ANKFN1: variants seen among roughly 807,000 people sequenced by gnomAD.
The protein encoded by ANKFN1 is ankyrin repeat and fibronectin type-III domain-containing protein 1.
ANKFN1 carries 74 observed loss-of-function variants against 108.7 expected under a neutral mutation model. The observed-to-expected ratio is 0.68, with a 90% CI of 0.56 to 0.83. The LOEUF (loss-of-function observed/expected upper bound fraction) is 0.83. Ranked by LOEUF, ANKFN1 falls within the 40% of genes least tolerant of loss-of-function variation. ANKFN1 has a pLI of 0.00. For synonymous variants in ANKFN1, 547 were observed against 516.2 expected, an observed-to-expected ratio of 1.06 and a Z score of -0.81; for missense variants, 1,505 against 1,382.3, an observed-to-expected ratio of 1.09 and a Z score of -1.41.
chr17:56,426,986 G>C (rs1283486024), intron 8 of ANKFN1, among the ~76,000 whole-genome samples: 3 of 152,282 alleles, frequency 2.0e-5, no homozygotes, highest in Non-Finnish European at 4.4e-5. Flanking sequence ...GCACCTTGTT[G>C]AGTAATTTAC....
chr17:56,319,453 T>C (rs1056660025), intron 3 of ANKFN1, among the ~76,000 whole-genome samples: 10 of 152,184 alleles, frequency 6.6e-5, no homozygotes, highest in African/African-American at 2.4e-4. Context: ...GAATCACCAA[T>C]AAAAGACTTC....
At position 56,162,721 on chromosome 17, in the gene ANKFN1, A is replaced by T. The variant is rs574446663; in HGVS notation, c.-71+9191A>T. Among the ~76,000 whole-genome samples the T allele has an allele frequency of 1.8e-3, 270 of 152,326 alleles. 2 individuals are homozygous for T. Among genetic ancestry groups the T allele is most frequent in the African/African-American group, 6.2e-3 (256 of 41,576 alleles). On this transcript the variant is annotated intron_variant, in intron 1 of 20. Transcript: ENST00000682825. ...ATATCAATTAGCAAACACCTATTTT[A>T]TCTATAACACTTTTAGTAAAAATGG...
At chr17:56,075,702 G>A (rs556796160) in intron 4 of ANKFN1, among the ~76,000 whole-genome samples, 1 of 152,162 alleles carries the variant, frequency 6.6e-6, no homozygotes, top group Admixed American at 6.5e-5. Context: ...CTTTGCAAAG[G>A]GCCACTTAGT....
At chr17:56,218,143 A>G (rs1915563730) in intron 2 of ANKFN1, among the ~76,000 whole-genome samples, 1 of 151,574 alleles carries the variant, frequency 6.6e-6, no homozygotes, top group Non-Finnish European at 1.5e-5. Flanking sequence ...TCCACATCCA[A>G]TAGATCACCT....
At chr17:56,067,074 GGC>G (rs1905067539) in intron 4 of ANKFN1, among the ~76,000 whole-genome samples, 1 of 152,014 alleles carries the variant, frequency 6.6e-6, no homozygotes, top group African/African-American at 2.4e-5. Context: ...CTGTAGTCCT[GGC>G]CACTCAGGAG....
intron 8 of ANKFN1, among the ~76,000 whole-genome samples, chr17:56,389,747 G>T (rs1302858259): frequency 1.3e-5 from 2 of 152,194 alleles, no homozygotes; most frequent in Non-Finnish European, 2.9e-5. Context: ...AAAAGTTATA[G>T]ACCCATGGAG....
intron 1 of ANKFN1, among the ~76,000 whole-genome samples, chr17:56,193,263 GA>G (rs1422281167): frequency 9.1e-6 from 1 of 110,352 alleles, no homozygotes; most frequent in Admixed American, 1.0e-4. Context: ...GGGGAGGGGG[GA>G]GGGGGGAGGG....
At chr17:56,251,443 G>T (rs1260604731) in intron 3 of ANKFN1, among the ~76,000 whole-genome samples, 2 of 152,162 alleles carry the variant, frequency 1.3e-5, no homozygotes, top group Non-Finnish European at 1.5e-5. Context: ...TTATTAAAGT[G>T]CATGCAATTG....
At chr17:56,187,471 C>T (rs1384090001) in intron 1 of ANKFN1, among the ~76,000 whole-genome samples, 4 of 152,174 alleles carry the variant, frequency 2.6e-5, no homozygotes, top group Admixed American at 2.6e-4. Flanking sequence ...AATAGGAATA[C>T]TTTTACACTG....
intron 16 of ANKFN1, among the ~76,000 whole-genome samples, chr17:56,480,216 A>C (rs2050649417): frequency 6.6e-6 from 1 of 152,194 alleles, no homozygotes; most frequent in African/African-American, 2.4e-5. Context: ...CCCCATGATT[A>C]CAACAGGCCA....
chr17:56,072,868 A>G (rs1905136304), intron 4 of ANKFN1, among the ~76,000 whole-genome samples: 1 of 152,230 alleles, frequency 6.6e-6, no homozygotes, highest in African/African-American at 2.4e-5. Flanking sequence ...ACAAAGCCCA[A>G]AAAATTTATC....
At chr17:56,303,879 G>A (rs1425921102) in intron 3 of ANKFN1, among the ~76,000 whole-genome samples, 1 of 121,240 alleles carries the variant, frequency 8.2e-6, no homozygotes, top group African/African-American at 3.6e-5. Context: ...TGTAATTTTA[G>A]TAGAGACAGG....
At chr17:56,085,094 T>C (rs1248301546) in intron 4 of ANKFN1, among the ~76,000 whole-genome samples, 2 of 150,450 alleles carry the variant, frequency 1.3e-5, no homozygotes, top group Non-Finnish European at 3.0e-5. Context: ...TTTGTTGAGC[T>C]CTTAATATGT....
chr17:56,197,797 C>A (rs533216480), intron 1 of ANKFN1, among the ~76,000 whole-genome samples: 3 of 152,350 alleles, frequency 2.0e-5, no homozygotes, highest in Middle Eastern at 3.4e-3. Context: ...CAGTCCCCAA[C>A]CTTTCTTGCA....
intron 4 of ANKFN1, among the ~76,000 whole-genome samples, chr17:56,057,123 G>T (rs1254189421): frequency 6.6e-6 from 1 of 152,140 alleles, no homozygotes; most frequent in Non-Finnish European, 1.5e-5. Flanking sequence ...ATCTACTCAA[G>T]ATTTATCATG....
At chr17:56,208,946 C>G (rs1914753013) in intron 1 of ANKFN1, among the ~76,000 whole-genome samples, 1 of 152,034 alleles carries the variant, frequency 6.6e-6, no homozygotes. Context: ...AGCACGATCT[C>G]AGCTAACTGC....
intron 1 of ANKFN1, among the ~76,000 whole-genome samples, chr17:56,165,298 C>T (rs1159178762): frequency 2.6e-5 from 4 of 152,084 alleles, no homozygotes; most frequent in Admixed American, 2.6e-4. Context: ...AATCACCCAT[C>T]GAGTCCGTGT....
chr17:56,316,079 GAAGA>G (rs1010946056), intron 3 of ANKFN1, among the ~76,000 whole-genome samples: 1 of 152,180 alleles, frequency 6.6e-6, no homozygotes, highest in Non-Finnish European at 1.5e-5. Flanking sequence ...GACATTTTTA[GAAGA>G]AAGGGGACAA....
chr17:56,453,613 T>C (rs1186170844), intron 11 of ANKFN1, among the ~76,000 whole-genome samples: 2 of 152,170 alleles, frequency 1.3e-5, no homozygotes, highest in Non-Finnish European at 2.9e-5. Context: ...AGGACTCTTC[T>C]TATCGCTCTC....
Sources: gnomAD v4.1 joint callset for allele counts (sites outside exome capture counted in the v4.1 genomes callset) on GRCh38, gnomAD v4.1.1 for gene constraint, MANE v1.5 for transcripts, NCBI Gene and HGNC (gene_info 2026-07-23, HGNC 2026-07-21) for gene names.